Variants in MYO3B observed in about 807,000 individuals in gnomAD.
MYO3B encodes the protein myosin-IIIb.
A neutral mutation model predicts 174.6 loss-of-function variants in MYO3B; 156 were observed. The observed-to-expected ratio is 0.89, with a 90% CI of 0.78 to 1.02. The LOEUF is 1.02. MYO3B is among the 50% of genes least tolerant of loss of function. The pLI, the probability that MYO3B is intolerant of heterozygous loss-of-function variation, is 0.00. For missense variants in MYO3B, 1,632 were observed against 1,639.4 expected (o/e 1.00, Z 0.08); for synonymous variants, 563 against 569.1 (o/e 0.99, Z 0.15).
chr2:170,269,521 T>C (rs2093411658), intron 7 of MYO3B, among the ~76,000 whole-genome samples: 1 of 152,222 alleles, frequency 6.6e-6, no homozygotes, highest in African/African-American at 2.4e-5. Context: ...AATGGAAGTA[T>C]TGATAGAGGC....
At chr2:170,392,056 G>A (rs1166628262) in intron 15 of MYO3B, among the ~76,000 whole-genome samples, 4 of 150,286 alleles carry the variant, frequency 2.7e-5, no homozygotes, top group African/African-American at 9.8e-5. Context: ...CTGGGAGGTC[G>A]AGGCTGCAGT....
chr2:170,570,764 CTTTA>C (rs1692386828), intron 32 of MYO3B, among the ~76,000 whole-genome samples: 1 of 134,970 alleles, frequency 7.4e-6, no homozygotes, highest in African/African-American at 2.6e-5. Context: ...TTTTTGGATT[CTTTA>C]TTTGATTTTT....
chr2:170,449,927 C>A (rs1379539637), intron 23 of MYO3B, among the ~76,000 whole-genome samples: 1 of 152,112 alleles, frequency 6.6e-6, no homozygotes, highest in Non-Finnish European at 1.5e-5. Context: ...TTATCAGAGA[C>A]CTGCATTCAA....
intron 7 of MYO3B, among the ~76,000 whole-genome samples, chr2:170,258,022 A>G (rs2093317927): frequency 6.6e-6 from 1 of 152,170 alleles, no homozygotes; most frequent in South Asian, 2.1e-4. Context: ...TCAGAAATTA[A>G]TTGAAACCCT....
intron 32 of MYO3B, among the ~76,000 whole-genome samples, chr2:170,643,495 G>T (rs1001903043): frequency 3.3e-5 from 5 of 152,174 alleles, no homozygotes; most frequent in African/African-American, 1.2e-4. Flanking sequence ...TATGCACAGA[G>T]TTGGCAGAGC....
intron 14 of MYO3B, among the ~76,000 whole-genome samples, chr2:170,389,231 A>T (rs1409020733): frequency 6.6e-6 from 1 of 152,222 alleles, no homozygotes; most frequent in Non-Finnish European, 1.5e-5. Context: ...AGTCCTGTTC[A>T]TCTAACTGTT....
chr2:170,242,511 C>T (rs1205643445), intron 7 of MYO3B, among the ~76,000 whole-genome samples: 2 of 152,154 alleles, frequency 1.3e-5, no homozygotes, highest in Non-Finnish European at 2.9e-5. Context: ...TTTTTAAATT[C>T]GAGTTGAGCA....
chr2:170,492,518 G>GA (rs1444838698), intron 25 of MYO3B, among the ~76,000 whole-genome samples: 6 of 152,112 alleles, frequency 3.9e-5, no homozygotes, highest in Non-Finnish European at 5.9e-5. Flanking sequence ...TTACATGAAC[G>GA]AAAGTAACCT....
rs779326150 is a variant in MYO3B at position 170,652,085 on chromosome 2, T to C, written c.3841-23T>C. Reference sequence around the variant, plus strand: ...ACGACTTGCTGCTTTGCTTTGACTGTGTGTTCTTGGCCCTCTCCACAGGGA... The same window carrying C: ...ACGACTTGCTGCTTTGCTTTGACTGCGTGTTCTTGGCCCTCTCCACAGGGA... On this transcript the variant is annotated intron_variant, in intron 33 of 34. Coordinates refer to ENST00000408978, the MANE Select transcript of MYO3B (RefSeq NM_138995.5). 3 of 1,605,314 alleles carry C rather than the reference T, an allele frequency of 1.9e-6. No homozygotes were observed. The South Asian group carries it at 3.4e-5, about 18-fold the overall frequency.
intron 32 of MYO3B, among the ~76,000 whole-genome samples, chr2:170,634,292 A>G (rs1262835578): frequency 6.6e-6 from 1 of 152,178 alleles, no homozygotes; most frequent in African/African-American, 2.4e-5. Flanking sequence ...GGAACAGAAC[A>G]GAGGCCTCAG....
At chr2:170,202,844 C>T (rs576289827) in intron 3 of MYO3B, among the ~76,000 whole-genome samples, 4 of 152,272 alleles carry the variant, frequency 2.6e-5, no homozygotes, top group South Asian at 2.1e-4. Flanking sequence ...ATTTATGTTG[C>T]CTTTGCTCTT....
intron 22 of MYO3B, among the ~76,000 whole-genome samples, chr2:170,430,546 A>G (rs576945468): frequency 6.6e-6 from 1 of 151,782 alleles, no homozygotes; most frequent in Non-Finnish European, 1.5e-5. Context: ...TTATTTTTGT[A>G]TTTTTAGTAC....
chr2:170,212,622 T>C (rs1427193279), intron 3 of MYO3B, among the ~76,000 whole-genome samples: 3 of 123,986 alleles, frequency 2.4e-5, no homozygotes, highest in Non-Finnish European at 5.2e-5. Context: ...GAGCGGAATT[T>C]ATTGGGAGAA....
At position 170,276,348 on chromosome 2, in the gene MYO3B, A is replaced by T. The variant is rs2093463793; in HGVS notation, c.749+40212A>T. Among the ~76,000 whole-genome samples, 3 of 152,192 alleles carry T rather than the reference A, an allele frequency of 2.0e-5. No homozygotes were observed. In the South Asian group the frequency reaches 6.2e-4, roughly 32 times the overall value. ...TTATTCATAAAATCCAAGCTATATT[A>T]TCTCTGGCCTCATGATGCTCTAAAT... On this transcript the variant is annotated intron_variant, in intron 7 of 34. Transcript: ENST00000408978.
chr2:170,383,075 T>C lies in MYO3B; in HGVS notation c.1071T>C (p.Asp357=). The change falls in exon 11 of 35, where the codon GAT becomes GAC. Residue 357 remains aspartate, a splice_region_variant and synonymous_variant. Transcript: ENST00000408978. ...DLVNLEVLDE[D]TIIHQLQKRY... ...AATACCATTTATCCTCTTCTTAGGA[T>C]ACAATTATCCATCAGTTGCAGAAAC... 1 of 1,591,758 alleles carries C rather than the reference T, an allele frequency of 6.3e-7. No individual in the cohort carries two copies. Among genetic ancestry groups the C allele is most frequent in the Non-Finnish European group, 8.6e-7 (1 of 1,159,976 alleles).
chr2:170,250,964 T>C (rs922271888), intron 7 of MYO3B, among the ~76,000 whole-genome samples: 22 of 151,750 alleles, frequency 1.4e-4, no homozygotes, highest in African/African-American at 5.3e-4. Flanking sequence ...TTGAGGTTTA[T>C]ATGGGTACAG....
chr2:170,350,266 G>A (rs1027243946), intron 8 of MYO3B: 3 of 151,324 alleles, frequency 2.0e-5, no homozygotes, highest in East Asian at 1.9e-4. Flanking sequence ...CCCAAAAACC[G>A]AAATTTTAAC....
intron 30 of MYO3B, among the ~76,000 whole-genome samples, chr2:170,536,865 A>T (rs1689714828): frequency 6.6e-6 from 1 of 151,976 alleles, no homozygotes; most frequent in South Asian, 2.1e-4. Context: ...TTTATCTGAA[A>T]CTTGCCTCCC....
intron 32 of MYO3B, chr2:170,601,626 T>A: frequency 7.8e-7 from 1 of 1,279,508 alleles, no homozygotes; most frequent in Non-Finnish European, 1.1e-6. Context: ...ATCATCATCT[T>A]CTTCATCTTC....
Sources: allele counts gnomAD v4.1 joint callset (sites outside exome capture counted in the v4.1 genomes callset), GRCh38; gene constraint gnomAD v4.1.1; transcripts MANE v1.5; gene names NCBI Gene and HGNC (gene_info 2026-07-23, HGNC 2026-07-21).